The following PITPNC1 variants were observed in gnomAD, a reference collection of about 807,000 sequenced individuals.
PITPNC1 encodes the protein phosphatidylinositol transfer protein cytoplasmic 1.
A neutral mutation model predicts 44.7 loss-of-function variants in PITPNC1; 18 were observed. The observed-to-expected ratio is 0.40, with a 90% CI of 0.28 to 0.60. The LOEUF is 0.60. Among genes scored for constraint, PITPNC1 ranks in the 20% least tolerant of loss-of-function variants. PITPNC1 has a pLI of 0.39. For missense variants in PITPNC1, 290 were observed against 418.4 expected (o/e 0.69, Z 2.68); for synonymous variants, 141 against 149.6 (o/e 0.94, Z 0.42).
In PITPNC1 at chr17:67,534,635, T is replaced by C. The variant is rs1268164051; in HGVS notation, c.197+1685T>C. ...GCTTGGGTGACACAGTGAGACCTTGTCTCAAAAAAAAAGAAAAGAAAAGAA... is the reference window on the plus strand; with the variant it reads ...GCTTGGGTGACACAGTGAGACCTTGCCTCAAAAAAAAAGAAAAGAAAAGAA... On this transcript the variant is annotated intron_variant, in intron 2 of 8. Coordinates refer to ENST00000581322, the MANE Select transcript of PITPNC1 (RefSeq NM_012417.4). Among the ~76,000 whole-genome samples, 3 of 149,536 alleles carry C rather than the reference T, an allele frequency of 2.0e-5. No individual in the cohort carries two copies. In the East Asian group the frequency reaches 5.9e-4, roughly 29 times the overall value.
intron 1 of PITPNC1, among the ~76,000 whole-genome samples, chr17:67,483,847 C>T (rs913186010): frequency 6.6e-6 from 1 of 152,022 alleles, no homozygotes; most frequent in African/African-American, 2.4e-5. Context: ...GGAGAAGTTT[C>T]ATAACGCAGC....
chr17:67,544,146 C>T (rs1387641895), intron 2 of PITPNC1, among the ~76,000 whole-genome samples: 1 of 152,184 alleles, frequency 6.6e-6, no homozygotes, highest in Non-Finnish European at 1.5e-5. Context: ...CCACCACACC[C>T]GGCGTGTGCT....
At chr17:67,596,421 CG>C (rs1568057949) in intron 5 of PITPNC1, among the ~76,000 whole-genome samples, 1 of 152,108 alleles carries the variant, frequency 6.6e-6, no homozygotes, top group African/African-American at 2.4e-5. Context: ...TTGGTACTCA[CG>C]GGTAACAACA....
chr17:67,645,168 G>A (rs551335501), intron 6 of PITPNC1, among the ~76,000 whole-genome samples: 3 of 151,838 alleles, frequency 2.0e-5, no homozygotes. Context: ...CGGAGAAACC[G>A]CATCTCTACT....
chr17:67,520,277 G>A (rs2040308744), intron 1 of PITPNC1, among the ~76,000 whole-genome samples: 1 of 152,118 alleles, frequency 6.6e-6, no homozygotes, highest in Admixed American at 6.5e-5. Context: ...AGGTTACAGA[G>A]ATGACAAAGA....
chr17:67,600,515 C>G (rs1293971507), intron 5 of PITPNC1, among the ~76,000 whole-genome samples: 1 of 151,874 alleles, frequency 6.6e-6, no homozygotes, highest in African/African-American at 2.4e-5. Flanking sequence ...TGAAAAAGAA[C>G]CAGTTTGAAA....
chr17:67,403,480 C>T (rs2038353115), intron 1 of PITPNC1, among the ~76,000 whole-genome samples: 1 of 152,142 alleles, frequency 6.6e-6, no homozygotes, highest in Non-Finnish European at 1.5e-5. Context: ...AACATTTAAT[C>T]ATAATTATAT....
intron 6 of PITPNC1, among the ~76,000 whole-genome samples, chr17:67,645,756 T>G (rs1341923349): frequency 1.3e-5 from 2 of 152,226 alleles, no homozygotes; most frequent in African/African-American, 4.8e-5. Context: ...CATAAGTTTG[T>G]GCAGTTTTTT....
intron 6 of PITPNC1, among the ~76,000 whole-genome samples, chr17:67,651,844 T>A (rs759773173): frequency 1.3e-5 from 2 of 152,174 alleles, no homozygotes; most frequent in Non-Finnish European, 2.9e-5. Context: ...GCTCCTTGGT[T>A]TTATGTGTAT....
In PITPNC1 at chr17:67,694,065, A is replaced by T. The variant is rs1057461519; in HGVS notation, c.*1177A>T. ...ATTTGTAGAGTGAAAAGGAGGAGTGATAATAGATGCCCTTCTGTCTAGCTT... is the reference window on the plus strand; with the variant it reads ...ATTTGTAGAGTGAAAAGGAGGAGTGTTAATAGATGCCCTTCTGTCTAGCTT... On this transcript the variant is annotated 3_prime_UTR_variant, in exon 9 of 9. Coordinates refer to ENST00000581322, the MANE Select transcript of PITPNC1 (RefSeq NM_012417.4). The T allele has an allele frequency of 6.6e-6, 1 of 152,260 alleles. No homozygotes were observed. Among genetic ancestry groups the T allele is most frequent in the Non-Finnish European group, 1.5e-5 (1 of 68,046 alleles). 9.4% of individuals were successfully genotyped at this position (152,260 alleles called of 1,614,324 possible). A position where few individuals can be genotyped will look rare whatever the true frequency, so the allele number is the denominator to read the frequency against.
chr17:67,635,453 G>A (rs933493468), intron 6 of PITPNC1, among the ~76,000 whole-genome samples: 3 of 152,142 alleles, frequency 2.0e-5, no homozygotes, highest in East Asian at 3.9e-4. Context: ...AGAGGTATAC[G>A]TTGGAGAAAG....
chr17:67,631,486 G>A (rs1383301127), intron 5 of PITPNC1, among the ~76,000 whole-genome samples: 4 of 138,724 alleles, frequency 2.9e-5, no homozygotes, highest in South Asian at 4.8e-4. Context: ...AAAATTAGCC[G>A]GGCGTGGTGG....
At chr17:67,624,142 T>A (rs2041866294) in intron 5 of PITPNC1, among the ~76,000 whole-genome samples, 1 of 152,150 alleles carries the variant, frequency 6.6e-6, no homozygotes, top group Non-Finnish European at 1.5e-5. Context: ...GACATTATAA[T>A]AATGTTGCAA....
Position 67,692,711 on chromosome 17 carries a change from T to C in PITPNC1, c.822T>C (p.Ser274=). 6.2e-7 allele frequency: 1 copy of C among 1,613,908 alleles called. No individual in the cohort carries two copies. The highest frequency in any genetic ancestry group is 2.2e-5 in the East Asian group (1 of 44,886). ...LPSSVRSAPS[S]APSTPLSTDA... is the part of the protein sequence containing the mutation. ...CTTCCGTCCGCAGTGCGCCTTCTAG[T>C]GCTCCATCCACCCCTCTCTCCACAG... is the stretch of plus-strand genomic sequence containing the variant. The change falls in exon 9 of 9, where the codon AGT becomes AGC. Residue 274 remains serine (S), a synonymous_variant. Coordinates refer to ENST00000581322, the MANE Select transcript of PITPNC1 (RefSeq NM_012417.4).
intron 1 of PITPNC1, among the ~76,000 whole-genome samples, chr17:67,401,741 G>T (rs2143822013): frequency 6.6e-6 from 1 of 152,200 alleles, no homozygotes; most frequent in Non-Finnish European, 1.5e-5. Context: ...ATACTCAGGA[G>T]GCTGAGGCAG....
intron 1 of PITPNC1, among the ~76,000 whole-genome samples, chr17:67,420,383 C>CTT (rs2038654442): frequency 1.5e-5 from 1 of 64,974 alleles, no homozygotes; most frequent in African/African-American, 7.6e-5. Context: ...TTCCTCCCTC[C>CTT]CCTCCCTCCC....
rs533984354 is a variant in PITPNC1, at chr17:67,490,677, T to A, written c.49-42125T>A. 3.9e-5 allele frequency among the ~76,000 whole-genome samples: 6 copies of A among 152,102 alleles called. No homozygotes were observed. The East Asian group carries it at 1.2e-3, about 29-fold the overall frequency. On this transcript the variant is annotated intron_variant, in intron 1 of 8. Coordinates refer to ENST00000581322, the MANE Select transcript of PITPNC1 (RefSeq NM_012417.4). ...TAAATAAAAGGATACGAAATAAAAATCTCAAAGGATCCGTAATGAATAAGA... is the reference window on the plus strand; with the variant it reads ...TAAATAAAAGGATACGAAATAAAAAACTCAAAGGATCCGTAATGAATAAGA...
At chr17:67,637,606 T>C (rs557852836) in intron 6 of PITPNC1, among the ~76,000 whole-genome samples, 1 of 152,268 alleles carries the variant, frequency 6.6e-6, no homozygotes, top group Admixed American at 6.5e-5. Context: ...GCCTCTCTCA[T>C]GAAGGTGACC....
At chr17:67,379,043 C>T (rs997142797) in intron 1 of PITPNC1, 2 of 985,630 alleles carry the variant, frequency 2.0e-6, no homozygotes, top group South Asian at 4.7e-5. Context: ...AGTGGTGACT[C>T]AGATAGGATT....
Sources: allele counts gnomAD v4.1 joint callset (sites outside exome capture counted in the v4.1 genomes callset), GRCh38; gene constraint gnomAD v4.1.1; transcripts MANE v1.5; gene names NCBI Gene and HGNC (gene_info 2026-07-23, HGNC 2026-07-21).